The following KDM4C variants were observed in gnomAD, a reference collection of about 807,000 sequenced individuals.
The protein encoded by KDM4C is lysine-specific demethylase 4C.
Under a neutral mutation model 129.3 loss-of-function variants are expected in KDM4C, and 81 were observed. The observed-to-expected ratio is 0.63, with a 90% CI of 0.52 to 0.75. The LOEUF (loss-of-function observed/expected upper bound fraction) is 0.75. KDM4C is among the 30% of genes least tolerant of loss of function. The pLI is 0.00. For missense variants in KDM4C, 1,457 were observed against 1,304.0 expected (o/e 1.12, Z -1.81); for synonymous variants, 573 against 456.1 (o/e 1.26, Z -3.26).
intron 4 of KDM4C, among the ~76,000 whole-genome samples, chr9:6,820,719 T>C (rs201307140): frequency 0.37 from 48,561 of 132,908 alleles, 8,311 homozygotes; most frequent in East Asian, 0.57. Flanking sequence ...TCTCTCTTTT[T>C]TTTTTTTTTT....
intron 8 of KDM4C, among the ~76,000 whole-genome samples, chr9:6,965,024 T>C (rs1018492471): frequency 6.6e-6 from 1 of 152,026 alleles, no homozygotes; most frequent in Non-Finnish European, 1.5e-5. Context: ...CCCATTTACA[T>C]TTTTTATTCT....
chr9:6,968,094 A>G (rs1364822100), intron 8 of KDM4C, among the ~76,000 whole-genome samples: 1 of 152,212 alleles, frequency 6.6e-6, no homozygotes, highest in Middle Eastern at 3.2e-3. Context: ...GAATTTTTAA[A>G]AATTATGATC....
Position 7,026,049 on chromosome 9 carries a change from A to G in KDM4C, c.2259+10120A>G, listed in dbSNP as rs543616818. On this transcript the variant is annotated intron_variant, in intron 15 of 21. Coordinates refer to ENST00000381309, the MANE Select transcript of KDM4C (RefSeq NM_015061.6). Reference sequence around the variant, plus strand: ...GCAAAGCTCCATCTGTACTAAAAATATAAAAAATTAGTTGGGTGTTGTGGC... The same window carrying G: ...GCAAAGCTCCATCTGTACTAAAAATGTAAAAAATTAGTTGGGTGTTGTGGC... 1.8e-3 allele frequency among the ~76,000 whole-genome samples: 275 copies of G among 152,216 alleles called. 2 individuals carry two copies. The highest frequency in any genetic ancestry group is 6.4e-3 in the African/African-American group (265 of 41,538).
At chr9:7,138,952 T>G (rs1421128454) in intron 19 of KDM4C, among the ~76,000 whole-genome samples, 1 of 152,172 alleles carries the variant, frequency 6.6e-6, no homozygotes, top group Non-Finnish European at 1.5e-5. Flanking sequence ...TAAAACATGC[T>G]AGATATTTAC....
chr9:6,985,607 A>G (rs990326215), intron 10 of KDM4C, among the ~76,000 whole-genome samples: 8 of 152,234 alleles, frequency 5.3e-5, no homozygotes, highest in Admixed American at 3.3e-4. Flanking sequence ...CAAGGCAGAG[A>G]AGGTAGGGAA....
At chr9:6,974,227 T>C (rs1243986231) in intron 8 of KDM4C, among the ~76,000 whole-genome samples, 1 of 152,226 alleles carries the variant, frequency 6.6e-6, no homozygotes, top group Non-Finnish European at 1.5e-5. Context: ...AACTTCGTCA[T>C]TGAAAAAGAA....
chr9:7,139,455 C>G (rs1841527999), intron 19 of KDM4C, among the ~76,000 whole-genome samples: 1 of 152,086 alleles, frequency 6.6e-6, no homozygotes, highest in Admixed American at 6.5e-5. Flanking sequence ...TTCTAAGCAG[C>G]CAACACCTGA....
At chr9:6,950,603 G>T (rs1049119339) in intron 8 of KDM4C, among the ~76,000 whole-genome samples, 2 of 152,138 alleles carry the variant, frequency 1.3e-5, no homozygotes, top group Admixed American at 1.3e-4. Flanking sequence ...GTTTAAGTGA[G>T]ATTATCTCTG....
intron 17 of KDM4C, among the ~76,000 whole-genome samples, chr9:7,100,718 G>C (rs1374100965): frequency 6.6e-6 from 1 of 151,224 alleles, no homozygotes; most frequent in East Asian, 1.9e-4. Context: ...GTTGACCCAG[G>C]GTTTCTGCTG....
intron 1 of KDM4C, among the ~76,000 whole-genome samples, chr9:6,781,729 A>T (rs1016042741): frequency 1.3e-5 from 2 of 152,108 alleles, no homozygotes; most frequent in South Asian, 2.1e-4. Context: ...GAATGTGTGC[A>T]TTGGGCAATT....
At chr9:6,831,756 G>A (rs1404022827) in intron 4 of KDM4C, among the ~76,000 whole-genome samples, 1 of 152,176 alleles carries the variant, frequency 6.6e-6, no homozygotes, top group East Asian at 1.9e-4. Context: ...AAGGGCTTGT[G>A]CCTGCTGAGG....
intron 18 of KDM4C, among the ~76,000 whole-genome samples, chr9:7,123,831 G>A (rs1236225646): frequency 2.0e-5 from 3 of 152,182 alleles, no homozygotes; most frequent in Non-Finnish European, 4.4e-5. Flanking sequence ...GAGCGGGTGA[G>A]GTGAAGGGTG....
At chr9:6,932,614 A>T (rs749982904) in intron 8 of KDM4C, among the ~76,000 whole-genome samples, 9 of 152,212 alleles carry the variant, frequency 5.9e-5, no homozygotes, top group Non-Finnish European at 8.8e-5. Flanking sequence ...AAACTGAGGC[A>T]AAGAGGTTAA....
intron 8 of KDM4C, chr9:6,925,610 A>T: frequency 2.0e-6 from 2 of 985,326 alleles, no homozygotes; most frequent in Non-Finnish European, 2.4e-6. Context: ...CAGTTCTAAA[A>T]CCGTCTTGGC....
At chr9:7,087,739 A>G (rs770318475) in intron 17 of KDM4C, among the ~76,000 whole-genome samples, 2 of 152,214 alleles carry the variant, frequency 1.3e-5, no homozygotes, top group Non-Finnish European at 2.9e-5. Flanking sequence ...TTTATTTGTT[A>G]AATGGATGAT....
At chr9:7,153,063 G>A (rs1015358224) in intron 19 of KDM4C, among the ~76,000 whole-genome samples, 3 of 152,132 alleles carry the variant, frequency 2.0e-5, no homozygotes, top group Non-Finnish European at 4.4e-5. Flanking sequence ...TCTCCCTAAT[G>A]AATATATAGA....
At chr9:7,173,886 C>T (rs1010443188) in intron 21 of KDM4C, among the ~76,000 whole-genome samples, 3 of 152,198 alleles carry the variant, frequency 2.0e-5, no homozygotes, top group Non-Finnish European at 4.4e-5. Context: ...CCTGCAGACA[C>T]TGAAGCCAGG....
chr9:7,125,059 C>T (rs11999116), intron 18 of KDM4C, among the ~76,000 whole-genome samples: 1 of 152,262 alleles, frequency 6.6e-6, no homozygotes, highest in East Asian at 1.9e-4. Flanking sequence ...TCAGTGGCTT[C>T]CTAGGTTCAC....
At chr9:6,753,868 C>CTTTTTT (rs869158656), upstream of KDM4C, among the ~76,000 whole-genome samples, 151 of 80,338 alleles carry the variant, frequency 1.9e-3, no homozygotes, top group South Asian at 2.5e-3. Flanking sequence ...TCATTGAATT[C>CTTTTTT]TTTTTTTTTT....
Sources: allele counts gnomAD v4.1 joint callset (sites outside exome capture counted in the v4.1 genomes callset), GRCh38; gene constraint gnomAD v4.1.1; transcripts MANE v1.5; gene names NCBI Gene and HGNC (gene_info 2026-07-23, HGNC 2026-07-21).